The following DPP10 variants were observed in gnomAD, a reference collection of about 807,000 sequenced individuals.
The protein encoded by DPP10 is dipeptidyl peptidase like 10, also known as inactive dipeptidyl peptidase 10.
In DPP10, 33 loss-of-function variants were observed where a neutral mutation model predicts 120.9. The ratio of observed to expected loss-of-function variants is 0.27; its 90% CI spans 0.21 to 0.37. The LOEUF (loss-of-function observed/expected upper bound fraction) is 0.37. DPP10 is among the 10% of genes least tolerant of loss of function. The pLI is 1.00. For missense variants in DPP10, 816 were observed against 942.8 expected, an observed-to-expected ratio of 0.87 and a Z score of 1.76; for synonymous variants, 337 against 326.1, an observed-to-expected ratio of 1.03 and a Z score of -0.36.
At chr2:115,598,234 C>G (rs72945935) in intron 5 of DPP10, among the ~76,000 whole-genome samples, 2,805 of 151,542 alleles carry the variant, frequency 0.019, 95 homozygotes, top group African/African-American at 0.064. Context: ...AACTTGAGTG[C>G]TTAGCCCATA....
Position 115,841,745 on chromosome 2 carries a change from A to C in DPP10, c.2257-466A>C, listed in dbSNP as rs1690170848. 2.0e-5 allele frequency among the ~76,000 whole-genome samples: 3 copies of C among 152,212 alleles called. No homozygotes were observed. In the South Asian group the frequency reaches 6.2e-4, roughly 32 times the overall value. On this transcript the variant is annotated intron_variant, in intron 25 of 25. Coordinates refer to ENST00000410059, the MANE Select transcript of DPP10 (RefSeq NM_020868.6). ...TGTTTACATTGGAAAGGGAATTGTC[A>C]AAGTAAATAATTGCACCAGACAATG...
chr2:114,916,921 C>A (rs960841540), intron 1 of DPP10, among the ~76,000 whole-genome samples: 1 of 152,144 alleles, frequency 6.6e-6, no homozygotes, highest in Non-Finnish European at 1.5e-5. Context: ...GACAAGAATG[C>A]CCACGCTGAC....
chr2:115,074,311 A>G (rs879360521), intron 1 of DPP10, among the ~76,000 whole-genome samples: 7 of 152,172 alleles, frequency 4.6e-5, no homozygotes, highest in African/African-American at 9.7e-5. Context: ...AACGGCAGGG[A>G]AATGATTTTT....
In DPP10 at chr2:114,946,385, G is replaced by A. The variant is rs149147553; in HGVS notation, c.61-362854G>A. Among the ~76,000 whole-genome samples, 480 of 152,126 alleles carry A rather than the reference G, an allele frequency of 3.2e-3. 1 individual carries two copies. Among genetic ancestry groups the A allele is most frequent in the African/African-American group, 0.011 (470 of 41,538 alleles). ...TGGATATGGAGTTTTAGTTTTGTAA[G>A]ATGAAAAGTTCTAGACCTGTTTTAC... On this transcript the variant is annotated intron_variant, in intron 1 of 25. Coordinates refer to ENST00000410059, the MANE Select transcript of DPP10 (RefSeq NM_020868.6).
At chr2:114,508,314 G>C (rs996134015) in intron 1 of DPP10, among the ~76,000 whole-genome samples, 11 of 152,144 alleles carry the variant, frequency 7.2e-5, no homozygotes, top group Admixed American at 4.6e-4. Context: ...CTATAGTTTG[G>C]TCATTTCTAG....
chr2:115,000,773 A>T (rs1290369377), intron 1 of DPP10, among the ~76,000 whole-genome samples: 1 of 152,182 alleles, frequency 6.6e-6, no homozygotes, highest in Non-Finnish European at 1.5e-5. Context: ...TTTCCTACCC[A>T]TATGTTGAAC....
At chr2:115,130,096 C>G (rs532121165) in intron 1 of DPP10, among the ~76,000 whole-genome samples, 2 of 152,192 alleles carry the variant, frequency 1.3e-5, no homozygotes, top group Non-Finnish European at 2.9e-5. Flanking sequence ...ATCCATATAT[C>G]TCTACTATCA....
intron 3 of DPP10, among the ~76,000 whole-genome samples, chr2:115,352,572 G>A (rs2064105345): frequency 6.6e-6 from 1 of 152,082 alleles, no homozygotes; most frequent in Non-Finnish European, 1.5e-5. Context: ...TATCCAACAT[G>A]TATTGAAAAG....
intron 1 of DPP10, among the ~76,000 whole-genome samples, chr2:114,469,450 G>A (rs138660374): frequency 4.9e-4 from 75 of 152,302 alleles, no homozygotes; most frequent in African/African-American, 1.7e-3. Context: ...TATATTGTGG[G>A]CGGGGTGTGG....
At chr2:115,726,425 G>T (rs1160568951) in intron 7 of DPP10, among the ~76,000 whole-genome samples, 4 of 152,076 alleles carry the variant, frequency 2.6e-5, no homozygotes, top group Non-Finnish European at 5.9e-5. Context: ...CCACAGATCT[G>T]TAAGGTATGT....
intron 7 of DPP10, among the ~76,000 whole-genome samples, chr2:115,699,021 T>TAAAAAAA: frequency 3.7e-5 from 1 of 26,954 alleles, no homozygotes; most frequent in Non-Finnish European, 1.1e-4. Context: ...TTAGCTTGAC[T>TAAAAAAA]GAAAAAAAAA....
At chr2:114,617,746 T>G (rs1425774350) in intron 1 of DPP10, among the ~76,000 whole-genome samples, 1 of 152,128 alleles carries the variant, frequency 6.6e-6, no homozygotes, top group Non-Finnish European at 1.5e-5. Context: ...GTAAATTCAT[T>G]CCATTAAAGA....
intron 8 of DPP10, among the ~76,000 whole-genome samples, chr2:115,737,099 A>G (rs1228272866): frequency 3.3e-5 from 5 of 152,064 alleles, no homozygotes; most frequent in African/African-American, 1.2e-4. Context: ...TATGGAGCCT[A>G]CCCAATTCCA....
intron 8 of DPP10, among the ~76,000 whole-genome samples, chr2:115,738,617 A>G (rs550420309): frequency 1.3e-5 from 2 of 152,236 alleles, no homozygotes; most frequent in South Asian, 4.2e-4. Context: ...CCTGTATTTT[A>G]TTCCATGTCA....
chr2:115,185,631 A>G (rs937839462), intron 1 of DPP10, among the ~76,000 whole-genome samples: 3 of 152,204 alleles, frequency 2.0e-5, no homozygotes, highest in African/African-American at 7.2e-5. Flanking sequence ...GGAAAATTGC[A>G]TTAAGAGTGT....
chr2:115,542,155 A>T (rs1370571160), intron 5 of DPP10, among the ~76,000 whole-genome samples: 1 of 151,850 alleles, frequency 6.6e-6, no homozygotes. Flanking sequence ...TATTATACGT[A>T]ACTACCGCTA....
At chr2:114,618,380 C>G (rs1238795970) in intron 1 of DPP10, among the ~76,000 whole-genome samples, 1 of 151,992 alleles carries the variant, frequency 6.6e-6, no homozygotes, top group Non-Finnish European at 1.5e-5. Context: ...AGGTCTCTCT[C>G]TCAACACAGA....
At chr2:115,503,694 A>G (rs2076801833) in intron 4 of DPP10, among the ~76,000 whole-genome samples, 1 of 152,198 alleles carries the variant, frequency 6.6e-6, no homozygotes, top group African/African-American at 2.4e-5. Flanking sequence ...CTGATTAATC[A>G]GTGAAGCTGT....
chr2:115,385,438 C>G (rs1399228276), intron 3 of DPP10, among the ~76,000 whole-genome samples: 1 of 151,952 alleles, frequency 6.6e-6, no homozygotes, highest in East Asian at 1.9e-4. Context: ...TCACTGCAAC[C>G]TCTGCCTCCT....
Sources: allele counts gnomAD v4.1 joint callset (sites outside exome capture counted in the v4.1 genomes callset), GRCh38; gene constraint gnomAD v4.1.1; transcripts MANE v1.5; gene names NCBI Gene and HGNC (gene_info 2026-07-23, HGNC 2026-07-21).